Variants in SUGCT observed in about 807,000 individuals in gnomAD.
SUGCT encodes succinyl-CoA:glutarate-CoA transferase, also known as succinyl-CoA:glutarate CoA-transferase.
A neutral mutation model predicts 55.0 loss-of-function variants in SUGCT; 41 were observed. The ratio of observed to expected loss-of-function variants is 0.74; its 90% CI spans 0.58 to 0.97. The LOEUF (loss-of-function observed/expected upper bound fraction) is 0.97. Ranked by LOEUF, SUGCT falls within the 50% of genes least tolerant of loss-of-function variation. The pLI is 0.00. For missense variants in SUGCT, 568 were observed against 547.8 expected, an observed-to-expected ratio of 1.04 and a Z score of -0.37; for synonymous variants, 187 against 200.4, an observed-to-expected ratio of 0.93 and a Z score of 0.56.
At chr7:40,286,584 G>C (rs1793358299) in intron 8 of SUGCT, among the ~76,000 whole-genome samples, 1 of 152,192 alleles carries the variant, frequency 6.6e-6, no homozygotes, top group Non-Finnish European at 1.5e-5. Context: ...GAAAAGGGTA[G>C]ACATAGTAGT....
rs571374122 is a variant in SUGCT, at chr7:40,224,443, T to C, written c.485-13192T>C. 2.0e-5 allele frequency among the ~76,000 whole-genome samples: 3 copies of C among 151,836 alleles called. No homozygotes were observed. In the East Asian group the frequency reaches 5.8e-4, roughly 29 times the overall value. Reference sequence around the variant, plus strand: ...GTGTGTGTGTGTGCATGCATGTGTATAAGTGTGTGTATGTGATTGTGAGTT... The same window carrying C: ...GTGTGTGTGTGTGCATGCATGTGTACAAGTGTGTGTATGTGATTGTGAGTT... On this transcript the variant is annotated intron_variant, in intron 6 of 13. Transcript: ENST00000335693.
intron 6 of SUGCT, among the ~76,000 whole-genome samples, chr7:40,230,600 A>G (rs1788664018): frequency 6.6e-6 from 1 of 152,256 alleles, no homozygotes; most frequent in Middle Eastern, 3.4e-3. Flanking sequence ...GATCTATTGG[A>G]TATAGGCAGG....
chr7:40,546,814 C>T (rs1795018301), intron 12 of SUGCT: 1 of 152,276 alleles, frequency 6.6e-6, no homozygotes, highest in Non-Finnish European at 1.5e-5. Context: ...AGGCCATCCA[C>T]TCATCCTTTT....
At chr7:40,173,913 CTGTGTGTGTGTG>C (rs34789334) in intron 1 of SUGCT, among the ~76,000 whole-genome samples, 13 of 143,982 alleles carry the variant, frequency 9.0e-5, no homozygotes, top group Non-Finnish European at 6.1e-5. Flanking sequence ...AATGTATATC[CTGTGTGTGTGTG>C]TGTGTGTGTG....
intron 12 of SUGCT, among the ~76,000 whole-genome samples, chr7:40,505,006 T>C (rs1380574920): frequency 6.6e-6 from 1 of 152,254 alleles, no homozygotes; most frequent in African/African-American, 2.4e-5. Context: ...TGTCCTAGCA[T>C]ATAATCCATT....
intron 7 of SUGCT, among the ~76,000 whole-genome samples, chr7:40,271,040 T>C (rs1791967281): frequency 6.6e-6 from 1 of 152,210 alleles, no homozygotes; most frequent in South Asian, 2.1e-4. Context: ...GTATATTGGC[T>C]TTTATCTTGC....
rs2151798446 is a variant in SUGCT at position 40,624,909 on chromosome 7, A to G, written c.1090-124525A>G. Among the ~76,000 whole-genome samples the G allele has an allele frequency of 2.6e-5, 4 of 152,278 alleles. No individual in the cohort carries two copies. The Middle Eastern group carries it at 0.01, about 388-fold the overall frequency. ...TTCATTTGAAGAGTTTCTCTGTAAAAAACAAACACACTTTGAAAATGACTG... is the reference window on the plus strand; with the variant it reads ...TTCATTTGAAGAGTTTCTCTGTAAAGAACAAACACACTTTGAAAATGACTG... On this transcript the variant is annotated intron_variant, in intron 12 of 13. Coordinates refer to ENST00000335693, the MANE Select transcript of SUGCT (RefSeq NM_001193313.2).
intron 12 of SUGCT, among the ~76,000 whole-genome samples, chr7:40,689,357 T>C (rs1308004552): frequency 2.0e-5 from 3 of 152,196 alleles, no homozygotes; most frequent in Non-Finnish European, 4.4e-5. Context: ...TTACCTTTTT[T>C]ATGTCTGAAT....
In SUGCT at chr7:40,561,659, C is replaced by T. The variant is rs1056469180; in HGVS notation, c.1089+65273C>T. On this transcript the variant is annotated intron_variant, in intron 12 of 13. Coordinates refer to ENST00000335693, the MANE Select transcript of SUGCT (RefSeq NM_001193313.2). ...TGTGGGGAGGGGTTCACGGATGATT[C>T]GCCAGAGGTGGAGATGCTTAAGCCG... is the stretch of plus-strand genomic sequence containing the variant. 5.4e-5 allele frequency among the ~76,000 whole-genome samples: 8 copies of T among 149,280 alleles called. No individual in the cohort carries two copies. In the East Asian group the frequency reaches 6.0e-4, roughly 11 times the overall value.
At chr7:40,571,933 T>C (rs1796474475) in intron 12 of SUGCT, among the ~76,000 whole-genome samples, 1 of 152,176 alleles carries the variant, frequency 6.6e-6, no homozygotes, top group Admixed American at 6.5e-5. Flanking sequence ...ATTTGCAAAA[T>C]AGCAATCAAG....
the SUGCT span, among the ~76,000 whole-genome samples, chr7:40,942,726 G>A: frequency 6.6e-6 from 1 of 151,310 alleles, no homozygotes; most frequent in Non-Finnish European, 1.5e-5. Flanking sequence ...TTTACATAAT[G>A]CCATATTTCT....
intron 6 of SUGCT, among the ~76,000 whole-genome samples, chr7:40,210,562 A>T (rs1384853388): frequency 6.6e-6 from 1 of 151,982 alleles, no homozygotes; most frequent in East Asian, 1.9e-4. Context: ...CGAATATAAA[A>T]TTTTCTTTTC....
chr7:40,791,170 C>A (rs1031242944), intron 13 of SUGCT, among the ~76,000 whole-genome samples: 5 of 152,138 alleles, frequency 3.3e-5, no homozygotes, highest in South Asian at 2.1e-4. Flanking sequence ...TAGAATGTAT[C>A]TTTTCCCTTT....
At chr7:40,231,863 G>T (rs938438500) in intron 6 of SUGCT, among the ~76,000 whole-genome samples, 1 of 152,230 alleles carries the variant, frequency 6.6e-6, no homozygotes, top group South Asian at 2.1e-4. Flanking sequence ...ACTTTGGGAA[G>T]CTGAGGTGGG....
the SUGCT span, among the ~76,000 whole-genome samples, chr7:40,941,883 T>C: frequency 6.6e-6 from 1 of 152,170 alleles, no homozygotes; most frequent in South Asian, 2.1e-4. Context: ...TTATAATAGC[T>C]ACTACTGTTC....
chr7:40,896,775 T>C, the SUGCT span, among the ~76,000 whole-genome samples: 1 of 152,154 alleles, frequency 6.6e-6, no homozygotes, highest in Non-Finnish European at 1.5e-5. Context: ...AATGGACTAA[T>C]ACACTACCTA....
At chr7:40,760,424 G>A (rs1788474193) in intron 13 of SUGCT, among the ~76,000 whole-genome samples, 1 of 152,114 alleles carries the variant, frequency 6.6e-6, no homozygotes, top group Non-Finnish European at 1.5e-5. Context: ...AATAGTGATT[G>A]TCAGGGGCTG....
intron 13 of SUGCT, among the ~76,000 whole-genome samples, chr7:40,845,966 G>A (rs1479071823): frequency 6.6e-6 from 1 of 152,150 alleles, no homozygotes; most frequent in Non-Finnish European, 1.5e-5. Flanking sequence ...GCTCATTTGA[G>A]GTAAGAGCCA....
At chr7:40,927,427 G>T in the SUGCT span, among the ~76,000 whole-genome samples, 1 of 152,148 alleles carries the variant, frequency 6.6e-6, no homozygotes, top group Non-Finnish European at 1.5e-5. Context: ...GCTTGCTGAG[G>T]TCTTTCCTGT....
Sources: gnomAD v4.1 joint callset for allele counts (sites outside exome capture counted in the v4.1 genomes callset) on GRCh38, gnomAD v4.1.1 for gene constraint, MANE v1.5 for transcripts, NCBI Gene and HGNC (gene_info 2026-07-23, HGNC 2026-07-21) for gene names.